SGCD: variants seen among roughly 807,000 people sequenced by gnomAD.
SGCD encodes sarcoglycan delta, also known as delta-sarcoglycan.
A neutral mutation model predicts 36.6 loss-of-function variants in SGCD; 18 were observed. The ratio of observed to expected loss-of-function variants is 0.49; its 90% CI spans 0.34 to 0.73. The LOEUF (loss-of-function observed/expected upper bound fraction) is 0.73, where lower values mean the gene tolerates loss of function less well. SGCD is among the 30% of genes least tolerant of loss of function. The probability of loss-of-function intolerance (pLI) is 0.01; values close to 1 mark genes in which losing one functional copy is unlikely to be tolerated. For synonymous variants in SGCD, 133 were observed against 130.6 expected (o/e 1.02, Z -0.12); for missense variants, 387 against 346.7 (o/e 1.12, Z -0.92).
chr5:156,051,178 CAG>C (rs1296413619), intron 1 of SGCD, among the ~76,000 whole-genome samples: 1 of 146,134 alleles, frequency 6.8e-6, no homozygotes, highest in South Asian at 2.2e-4. Context: ...TTATTAAAAA[CAG>C]AGAGAAACCA....
chr5:156,477,725 ACTT>A (rs553119942), intron 3 of SGCD, among the ~76,000 whole-genome samples: 49 of 150,016 alleles, frequency 3.3e-4, no homozygotes, highest in African/African-American at 1.1e-3. Flanking sequence ...GGTCATAGGC[ACTT>A]CTTCTGAATT....
At chr5:156,287,655 GTGTGTGTA>G (rs903606027) in intron 3 of SGCD, among the ~76,000 whole-genome samples, 2 of 151,844 alleles carry the variant, frequency 1.3e-5, no homozygotes, top group South Asian at 2.1e-4. Context: ...GTGTGTGTGT[GTGTGTGTA>G]TGTGTGTATG....
At chr5:155,983,228 C>T (rs17053098) in intron 1 of SGCD, among the ~76,000 whole-genome samples, 6,907 of 152,200 alleles carry the variant, frequency 0.045, 551 homozygotes, top group African/African-American at 0.16. Flanking sequence ...CTTACTATTC[C>T]TATTTTGCTG....
intron 3 of SGCD, among the ~76,000 whole-genome samples, chr5:156,386,786 T>C (rs555539622): frequency 1.3e-5 from 2 of 152,346 alleles, no homozygotes; most frequent in South Asian, 4.1e-4. Flanking sequence ...TGTTTGTTTG[T>C]TTGGATGTCA....
chr5:156,192,011 C>T (rs1223234579), intron 3 of SGCD, among the ~76,000 whole-genome samples: 3 of 152,116 alleles, frequency 2.0e-5, no homozygotes, highest in Non-Finnish European at 4.4e-5. Flanking sequence ...TATAAATTAT[C>T]GAATGAGAAG....
chr5:156,746,252 G>C (rs987833734), intron 7 of SGCD, among the ~76,000 whole-genome samples: 2 of 152,122 alleles, frequency 1.3e-5, no homozygotes, highest in African/African-American at 4.8e-5. Context: ...GAGAGAAAAT[G>C]ATTGTCAATG....
At chr5:155,983,188 T>C (rs1330532069) in intron 1 of SGCD, among the ~76,000 whole-genome samples, 1 of 152,258 alleles carries the variant, frequency 6.6e-6, no homozygotes, top group East Asian at 1.9e-4. Context: ...ACAGGCACTG[T>C]AGAAAGTGTA....
In SGCD at chr5:156,580,830, T is replaced by G. The variant is rs565357828; in HGVS notation, c.295-8401T>G. Among the ~76,000 whole-genome samples the G allele has an allele frequency of 5.1e-4, 77 of 152,328 alleles. 1 individual carries two copies. The highest frequency in any genetic ancestry group is 1.8e-3 in the African/African-American group (74 of 41,588). On this transcript the variant is annotated intron_variant, in intron 4 of 8. Coordinates refer to ENST00000337851, the MANE Select transcript of SGCD (RefSeq NM_000337.6). The stretch of plus-strand genomic sequence containing the variant: ...CTTTTTTCAAGGTTTTTAGCTTCCT[T>G]GTGATGGGTTCGAACATCCTCCTAT...
chr5:156,166,797 C>G (rs1314605024), intron 3 of SGCD, among the ~76,000 whole-genome samples: 1 of 152,196 alleles, frequency 6.6e-6, no homozygotes, highest in Non-Finnish European at 1.5e-5. Flanking sequence ...TACTCAAACA[C>G]TTTCCACTGA....
At chr5:156,146,178 A>T (rs1762707454) in intron 3 of SGCD, among the ~76,000 whole-genome samples, 1 of 152,136 alleles carries the variant, frequency 6.6e-6, no homozygotes, top group Non-Finnish European at 1.5e-5. Flanking sequence ...GCGCCATTGC[A>T]CTCCAGCCTG....
intron 1 of SGCD, among the ~76,000 whole-genome samples, chr5:155,937,575 G>A (rs10065911): frequency 0.014 from 2,145 of 152,328 alleles, 62 homozygotes; most frequent in African/African-American, 0.047. Flanking sequence ...GGAGTCCAGA[G>A]TACTTGAGAT....
chr5:156,476,349 T>A (rs1031765866), intron 3 of SGCD, among the ~76,000 whole-genome samples: 2 of 152,160 alleles, frequency 1.3e-5, no homozygotes, highest in African/African-American at 2.4e-5. Context: ...GAGCTGACTG[T>A]GCATAAGTGA....
intron 1 of SGCD, among the ~76,000 whole-genome samples, chr5:155,969,467 C>A (rs1048815294): frequency 7.0e-6 from 1 of 141,970 alleles, no homozygotes; most frequent in Non-Finnish European, 1.6e-5. Flanking sequence ...TCATAGCAAT[C>A]AAGTTTTGGA....
At chr5:155,962,511 G>T (rs1326006361) in intron 1 of SGCD, among the ~76,000 whole-genome samples, 1 of 152,088 alleles carries the variant, frequency 6.6e-6, no homozygotes, top group African/African-American at 2.4e-5. Context: ...AGTCCTGCAA[G>T]CTCCTGCATC....
At chr5:156,421,413 G>A (rs1411236254) in intron 3 of SGCD, among the ~76,000 whole-genome samples, 1 of 152,042 alleles carries the variant, frequency 6.6e-6, no homozygotes, top group East Asian at 1.9e-4. Flanking sequence ...TCTCATATTA[G>A]TATTGGTTTC....
intron 7 of SGCD, among the ~76,000 whole-genome samples, chr5:156,681,947 T>C (rs1163655921): frequency 2.0e-5 from 3 of 152,230 alleles, no homozygotes; most frequent in Non-Finnish European, 4.4e-5. Context: ...AAATATAATC[T>C]CAGCAGGCGT....
chr5:156,080,492 C>T (rs1760922372), intron 1 of SGCD, among the ~76,000 whole-genome samples: 1 of 152,196 alleles, frequency 6.6e-6, no homozygotes, highest in Non-Finnish European at 1.5e-5. Context: ...TTTTGATCTG[C>T]TTCCTGTTTA....
At chr5:156,099,252 T>C (rs138364225) in intron 1 of SGCD, among the ~76,000 whole-genome samples, 43 of 152,346 alleles carry the variant, frequency 2.8e-4, no homozygotes, top group Middle Eastern at 6.8e-3. Context: ...GTGCTTGGCA[T>C]GGAGAAATGA....
intron 1 of SGCD, among the ~76,000 whole-genome samples, chr5:155,983,821 T>C (rs1758276717): frequency 6.6e-6 from 1 of 152,240 alleles, no homozygotes; most frequent in African/African-American, 2.4e-5. Flanking sequence ...TAGTAATCCC[T>C]ATGATTGTGG....
Sources: allele counts gnomAD v4.1 joint callset (sites outside exome capture counted in the v4.1 genomes callset), GRCh38; gene constraint gnomAD v4.1.1; transcripts MANE v1.5; gene names NCBI Gene and HGNC (gene_info 2026-07-23, HGNC 2026-07-21).